SCFD2: variants seen among roughly 807,000 people sequenced by gnomAD.
SCFD2 encodes sec1 family domain-containing protein 2.
In SCFD2, 54 loss-of-function variants were observed where a neutral mutation model predicts 58.9. The ratio of observed to expected loss-of-function variants is 0.92; its 90% CI spans 0.74 to 1.15. The LOEUF is 1.15. Among genes scored for constraint, SCFD2 ranks in the 50% most tolerant of loss-of-function variants. SCFD2 has a pLI of 0.00. For synonymous variants in SCFD2, 321 were observed against 335.9 expected (o/e 0.96, Z 0.49); for missense variants, 805 against 836.6 (o/e 0.96, Z 0.47).
chr4:52,893,915 C>T (rs567423037), intron 7 of SCFD2, among the ~76,000 whole-genome samples: 1 of 152,182 alleles, frequency 6.6e-6, no homozygotes, highest in African/African-American at 2.4e-5. Flanking sequence ...CTTGGGCTCC[C>T]CAGGACATCC....
chr4:52,983,346 T>A (rs1029323336), intron 5 of SCFD2, among the ~76,000 whole-genome samples: 1 of 152,176 alleles, frequency 6.6e-6, no homozygotes, highest in South Asian at 2.1e-4. Flanking sequence ...GACTCTTGTG[T>A]TAAGTGTTTC....
At chr4:52,959,653 C>T (rs760746318) in intron 5 of SCFD2, among the ~76,000 whole-genome samples, 8 of 152,098 alleles carry the variant, frequency 5.3e-5, no homozygotes, top group African/African-American at 1.9e-4. Context: ...GCTTCGTATA[C>T]GACACAGGCA....
chr4:53,101,968 A>G (rs1443600639), intron 5 of SCFD2, among the ~76,000 whole-genome samples: 1 of 152,238 alleles, frequency 6.6e-6, no homozygotes, highest in Non-Finnish European at 1.5e-5. Context: ...ATGAAAAGAA[A>G]GAGTTGTGAG....
chr4:53,013,359 A>G (rs557253480), intron 5 of SCFD2, among the ~76,000 whole-genome samples: 4 of 152,336 alleles, frequency 2.6e-5, no homozygotes, highest in African/African-American at 9.6e-5. Flanking sequence ...TAAATAAATA[A>G]TGGAAGAACT....
intron 3 of SCFD2, among the ~76,000 whole-genome samples, chr4:53,298,640 C>T (rs749406477): frequency 4.6e-4 from 70 of 152,224 alleles, no homozygotes; most frequent in Non-Finnish European, 8.4e-4. Flanking sequence ...AAAGGGCAGA[C>T]TGCCTCCTCA....
intron 5 of SCFD2, among the ~76,000 whole-genome samples, chr4:53,068,779 G>A (rs1440762828): frequency 6.6e-6 from 1 of 151,970 alleles, no homozygotes; most frequent in Non-Finnish European, 1.5e-5. Flanking sequence ...AAAATTTCAA[G>A]CATCTATCTT....
intron 5 of SCFD2, among the ~76,000 whole-genome samples, chr4:53,096,483 T>C (rs1724639049): frequency 6.6e-6 from 1 of 151,998 alleles, no homozygotes; most frequent in South Asian, 2.1e-4. Context: ...GATGAGCATT[T>C]GTTCATGTGT....
At chr4:53,121,930 C>A (rs1231889449) in intron 5 of SCFD2, among the ~76,000 whole-genome samples, 1 of 151,996 alleles carries the variant, frequency 6.6e-6, no homozygotes, top group Non-Finnish European at 1.5e-5. Flanking sequence ...TCTTATTTTT[C>A]TTGTTTTTTT....
Position 53,026,902 on chromosome 4 carries a change from T to C in SCFD2, c.1562-106032A>G, listed in dbSNP as rs533605088. ...AGTTGACAATGGTTACTAAACTCTTTCAGTTTTTTCCCTGCTAGTGAAAGT... is the reference window on the plus strand; with the variant it reads ...AGTTGACAATGGTTACTAAACTCTTCCAGTTTTTTCCCTGCTAGTGAAAGT... On this transcript the variant is annotated intron_variant, in intron 5 of 8. Transcript: ENST00000401642. Among the ~76,000 whole-genome samples the C allele has an allele frequency of 1.2e-4, 19 of 152,370 alleles. No homozygotes were observed. In the South Asian group the frequency reaches 3.9e-3, roughly 32 times the overall value.
intron 5 of SCFD2, among the ~76,000 whole-genome samples, chr4:53,144,992 G>A (rs1726280898): frequency 6.6e-6 from 1 of 152,202 alleles, no homozygotes; most frequent in Non-Finnish European, 1.5e-5. Context: ...ATCAGCGGCA[G>A]CATTCGATTC....
chr4:53,082,086 A>G (rs1232529454), intron 5 of SCFD2, among the ~76,000 whole-genome samples: 3 of 152,170 alleles, frequency 2.0e-5, no homozygotes, highest in Admixed American at 6.6e-5. Flanking sequence ...ATTTTGTTAA[A>G]CCATTCATCA....
chr4:53,152,805 ATG>A (rs959746366), intron 4 of SCFD2, among the ~76,000 whole-genome samples: 6 of 152,202 alleles, frequency 3.9e-5, no homozygotes, highest in Admixed American at 6.5e-5. Context: ...AATTGGGTAG[ATG>A]TTCCCATTCC....
chr4:53,107,553 C>CAA (rs201490513), intron 5 of SCFD2, among the ~76,000 whole-genome samples: 1 of 151,030 alleles, frequency 6.6e-6, no homozygotes, highest in Non-Finnish European at 1.5e-5. Context: ...AAATGGAAAG[C>CAA]AAAAAAAAGC....
chr4:53,201,058 C>T (rs6830743), intron 4 of SCFD2, among the ~76,000 whole-genome samples: 104,941 of 151,562 alleles, frequency 0.69, 36,541 homozygotes, highest in Middle Eastern at 0.78. Context: ...AGTTTTAGGG[C>T]ACACGTACAT....
chr4:53,271,314 C>A (rs761105870), intron 4 of SCFD2, among the ~76,000 whole-genome samples: 1 of 150,056 alleles, frequency 6.7e-6, no homozygotes, highest in Admixed American at 6.7e-5. Context: ...CACACACACA[C>A]GCACACACAC....
chr4:53,098,301 C>T (rs1412077197), intron 5 of SCFD2, among the ~76,000 whole-genome samples: 2 of 152,160 alleles, frequency 1.3e-5, no homozygotes, highest in African/African-American at 4.8e-5. Flanking sequence ...GTACCAGCTC[C>T]TCCTTGTACC....
At chr4:52,979,551 T>G (rs1721329515) in intron 5 of SCFD2, among the ~76,000 whole-genome samples, 1 of 152,108 alleles carries the variant, frequency 6.6e-6, no homozygotes, top group Admixed American at 6.6e-5. Flanking sequence ...AACAGAAGAC[T>G]GCAATAACAC....
At chr4:53,288,478 C>A (rs1429252338) in intron 3 of SCFD2, among the ~76,000 whole-genome samples, 2 of 151,950 alleles carry the variant, frequency 1.3e-5, no homozygotes, top group Non-Finnish European at 2.9e-5. Context: ...ATTGTAAAAG[C>A]AGCAAAAGAA....
chr4:53,235,283 TG>T lies in SCFD2; in HGVS notation c.1311+38542del, dbSNP rs151273411. Among the ~76,000 whole-genome samples, 393 of 152,354 alleles carry T rather than the reference TG, an allele frequency of 2.6e-3. 14 individuals carry two copies. The East Asian group carries it at 0.068, about 26-fold the overall frequency. On this transcript the variant is annotated intron_variant, in intron 4 of 8. Coordinates refer to ENST00000401642, the MANE Select transcript of SCFD2 (RefSeq NM_152540.4). ...TGGTAAGAACATAAAGAAGCCTCTC[TG>T]TCCTAACAGCCACAATGAGATATCT...
Sources: gnomAD v4.1 joint callset for allele counts (sites outside exome capture counted in the v4.1 genomes callset) on GRCh38, gnomAD v4.1.1 for gene constraint, MANE v1.5 for transcripts, NCBI Gene and HGNC (gene_info 2026-07-23, HGNC 2026-07-21) for gene names.